The following ABCC5 variants were observed in gnomAD, a reference collection of about 807,000 sequenced individuals.
ABCC5 encodes ATP-binding cassette sub-family C member 5.
ABCC5 carries 61 observed loss-of-function variants against 160.9 expected under a neutral mutation model. The ratio of observed to expected loss-of-function variants is 0.38; its 90% confidence interval spans 0.31 to 0.47. The LOEUF (loss-of-function observed/expected upper bound fraction) is 0.47. ABCC5 is among the 20% of genes least tolerant of loss of function. ABCC5 has a pLI of 0.99. For missense variants in ABCC5, 1,308 were observed against 1,813.3 expected (o/e 0.72, Z 5.06); for synonymous variants, 666 against 700.6 (o/e 0.95, Z 0.78).
At position 183,977,625 on chromosome 3, in the gene ABCC5, CT is replaced by C. The variant is rs1387974585; in HGVS notation, c.1297-2del. On this transcript the variant is annotated splice_acceptor_variant, in intron 9 of 29. Transcript: ENST00000334444. LOFTEE classifies it high-confidence loss of function. ...TGAAGACTGTCACCACTGTGAAAGC[CT>C]GAAAATAGGAGAAGAGAAGAAACTG... 6.2e-7 allele frequency: 1 copy of C among 1,610,770 alleles called. No individual in the cohort carries two copies. The highest frequency in any genetic ancestry group is 8.5e-7 in the Non-Finnish European group (1 of 1,177,400).
At position 183,990,282 on chromosome 3, in the gene ABCC5, T is replaced by C. The variant is rs981682183; in HGVS notation, c.130-899A>G. Among the ~76,000 whole-genome samples, 11 of 152,076 alleles carry C rather than the reference T, an allele frequency of 7.2e-5. No individual in the cohort carries two copies. In the East Asian group the frequency reaches 1.2e-3, roughly 16 times the overall value. On this transcript the variant is annotated intron_variant, in intron 2 of 29. Coordinates refer to ENST00000334444, the MANE Select transcript of ABCC5 (RefSeq NM_005688.4). ...CCACCATGCCCAGCTAATTTTTGTA[T>C]TTTTAGTAGACACGGGGTTTCACCA...
At chr3:183,962,688 T>G (rs2108819980) in intron 15 of ABCC5, among the ~76,000 whole-genome samples, 1 of 152,188 alleles carries the variant, frequency 6.6e-6, no homozygotes, top group Non-Finnish European at 1.5e-5. Flanking sequence ...CGTGCCACCA[T>G]GCCTGGATAA....
In ABCC5 at chr3:183,971,548, G is replaced by A. The variant is rs201851572; in HGVS notation, c.1761+15C>T. 1.1e-5 allele frequency: 18 copies of A among 1,609,548 alleles called. No homozygotes were observed. The African/African-American group carries it at 2.3e-4, about 20-fold the overall frequency. ...GGTGGGGTGCGGGCAGGGAGGCAGG[G>A]GGCGGACCACTTACCTCTTGGATCT... is the stretch of plus-strand genomic sequence containing the variant. On this transcript the variant is annotated intron_variant, in intron 11 of 29. Transcript: ENST00000334444.
chr3:183,956,476 G>GTA (rs1715984558), intron 17 of ABCC5, among the ~76,000 whole-genome samples: 1 of 150,880 alleles, frequency 6.6e-6, no homozygotes, highest in Non-Finnish European at 1.5e-5. Flanking sequence ...GGATCCGTGT[G>GTA]TATATCACAT....
intron 23 of ABCC5, among the ~76,000 whole-genome samples, chr3:183,946,709 T>C (rs2108789534): frequency 6.6e-6 from 1 of 152,200 alleles, no homozygotes; most frequent in East Asian, 1.9e-4. Context: ...GCTTATCTCA[T>C]CCAAATATTT....
intron 27 of ABCC5, chr3:183,927,812 G>A: frequency 1.0e-6 from 1 of 985,436 alleles, no homozygotes; most frequent in South Asian, 4.7e-5. Context: ...AAAGCCGTAG[G>A]CCCGTGCCTG....
In ABCC5 at chr3:183,925,548, TC is replaced by T; in HGVS notation, c.4212+6del. 6.2e-7 allele frequency: 1 copy of T among 1,611,958 alleles called. No individual in the cohort carries two copies. Among genetic ancestry groups the T allele is most frequent in the Non-Finnish European group, 8.5e-7 (1 of 1,179,536 alleles). On this transcript the variant is annotated splice_donor_region_variant and intron_variant, in intron 29 of 29. Coordinates refer to ENST00000334444, the MANE Select transcript of ABCC5 (RefSeq NM_005688.4). The stretch of plus-strand genomic sequence containing the variant: ...TGCCAAGCCAAAGTTCCTGAAGGAC[TC>T]GGTACCTGTCCCTGGGCCAGCACCA...
At chr3:183,955,454 T>C (rs1451784743) in intron 17 of ABCC5, among the ~76,000 whole-genome samples, 1 of 152,198 alleles carries the variant, frequency 6.6e-6, no homozygotes, top group African/African-American at 2.4e-5. Context: ...ATGGTCTGAA[T>C]AGATTTTCAG....
chr3:184,008,246 T>A (rs949251491), intron 2 of ABCC5, among the ~76,000 whole-genome samples: 5 of 152,062 alleles, frequency 3.3e-5, no homozygotes, highest in African/African-American at 1.2e-4. Flanking sequence ...TTGCTAAATT[T>A]AAAAAAATGA....
At position 183,957,649 on chromosome 3, in the gene ABCC5, C is replaced by T. The variant is rs546376971; in HGVS notation, c.2482+2084G>A. ...ATGTGTAAATCACATCGGTTACATG[C>T]GGATCCGTGTGTACCTCACACCGGT... On this transcript the variant is annotated intron_variant, in intron 17 of 29. Transcript: ENST00000334444. Among the ~76,000 whole-genome samples, 10 of 151,180 alleles carry T rather than the reference C, an allele frequency of 6.6e-5. No homozygotes were observed. In the East Asian group the frequency reaches 1.8e-3, roughly 27 times the overall value.
intron 27 of ABCC5, 89 bp from the exon 28 acceptor site, chr3:183,927,532 G>C (rs1454807847): frequency 2.0e-6 from 3 of 1,509,580 alleles, no homozygotes; most frequent in Non-Finnish European, 2.7e-6. Context: ...GATTCTGAAA[G>C]CGATGAAAGA....
rs536361293 is a variant in ABCC5 at position 183,955,968 on chromosome 3, A to G, written c.2483-2698T>C. Among the ~76,000 whole-genome samples, 2 of 143,334 alleles carry G rather than the reference A, an allele frequency of 1.4e-5. 1 individual carries two copies. The highest frequency in any genetic ancestry group is 5.0e-4 in the East Asian group (2 of 4,018). The allele number at this position is 143,334 out of a possible 152,430, so 94.0% of individuals were successfully genotyped here. On this transcript the variant is annotated intron_variant, in intron 17 of 29. Coordinates refer to ENST00000334444, the MANE Select transcript of ABCC5 (RefSeq NM_005688.4). Reference sequence around the variant, plus strand: ...CGGTTACAGGCAGATCCGTGTGTATATCACATCGGTTACATGCAGCTCCAT... The same window carrying G: ...CGGTTACAGGCAGATCCGTGTGTATGTCACATCGGTTACATGCAGCTCCAT...
rs1300742514 is a variant in ABCC5, at chr3:183,963,495, C to T, written c.2125G>A (p.Asp709Asn). Residue 709 changes from aspartate to asparagine, a missense_variant, in exon 15 of 30, where the codon GAC becomes AAC. By Grantham distance (23) the Asp-to-Asn change is conservative. This residue lies in a region of ABCC5 where 1,142 missense variants were observed against 1,527.1 expected (regional missense o/e 0.75). Transcript: ENST00000334444. This position sits in a 1 kb window ranked among gnomAD's most constrained non-coding sequence, Gnocchi z 4.6. The part of the protein sequence containing the change: ...LYSDRSIYIL[D>N]DPLSALDAHV... ...GCATCTAAGGCACTGAGGGGGTCGTCCAGGATGTAGATGCTCCTGTCACTA... is the reference window on the plus strand; with the variant it reads ...GCATCTAAGGCACTGAGGGGGTCGTTCAGGATGTAGATGCTCCTGTCACTA... 1 of 1,614,236 alleles carries T rather than the reference C, an allele frequency of 6.2e-7. No homozygotes were observed. The highest frequency in any genetic ancestry group is 8.5e-7 in the Non-Finnish European group (1 of 1,180,052).
rs886605792 is a variant in ABCC5, at chr3:183,982,095, G to A, written c.1000-221C>T. On this transcript the variant is annotated intron_variant, in intron 7 of 29. Transcript: ENST00000334444. This position sits in a 1 kb window ranked among gnomAD's most constrained non-coding sequence, Gnocchi z 5.2. Reference sequence around the variant, plus strand: ...TTTATAAGGCAATGAAGACAAGAAAGTATTTATTCTCAATAGTGACCACAG... The same window carrying A: ...TTTATAAGGCAATGAAGACAAGAAAATATTTATTCTCAATAGTGACCACAG... Among the ~76,000 whole-genome samples, 3 of 152,128 alleles carry A rather than the reference G, an allele frequency of 2.0e-5. No homozygotes were observed. Among genetic ancestry groups the A allele is most frequent in the Non-Finnish European group, 4.4e-5 (3 of 68,026 alleles).
intron 27 of ABCC5, among the ~76,000 whole-genome samples, chr3:183,928,112 C>CTT (rs10715407): frequency 1.4e-5 from 2 of 138,502 alleles, no homozygotes; most frequent in African/African-American, 5.4e-5. Context: ...TGTTATGTAT[C>CTT]TTTTTTTTTT....
At chr3:183,927,824 GA>G (rs1162447803) in intron 27 of ABCC5, 3 of 985,316 alleles carry the variant, frequency 3.0e-6, no homozygotes, top group Non-Finnish European at 3.6e-6. Context: ...CCGTGCCTGT[GA>G]AACATTTTTT....
At position 183,967,742 on chromosome 3, in the gene ABCC5, T is replaced by C; in HGVS notation, c.1786A>G (p.Ser596Gly). 1 of 1,613,988 alleles carries C rather than the reference T, an allele frequency of 6.2e-7. No homozygotes were observed. The highest frequency in any genetic ancestry group is 8.5e-7 in the Non-Finnish European group (1 of 1,179,878). The change falls in exon 12 of 30, where the codon AGT (serine) becomes GGT (glycine). Residue 596 changes from serine (S) to glycine (G), a missense_variant. Physicochemically the swap from Ser to Gly is moderately conservative, Grantham distance 56. Transcript: ENST00000334444. ...QEGKLVGICGSVGSGKTSLIS... is the reference protein window; with the variant it reads ...QEGKLVGICGGVGSGKTSLIS... ...AGAGAGGTTTTTCCACTTCCCACAC[T>C]GCCACAGATTCCAACCAGTTTACCC...
chr3:183,959,120 A>AC (rs1473390574), intron 17 of ABCC5, among the ~76,000 whole-genome samples: 7 of 152,080 alleles, frequency 4.6e-5, no homozygotes, highest in Non-Finnish European at 1.0e-4. Flanking sequence ...GCAACTTAAA[A>AC]TTCAAAGGTG....
At chr3:183,967,244 A>T (rs2108828039) in intron 12 of ABCC5, 1 of 190,524 alleles carries the variant, frequency 5.2e-6, no homozygotes, top group South Asian at 1.1e-4. Flanking sequence ...TAGGCAGAAA[A>T]CAGAGGGGCT....
Sources: gnomAD v4.1 joint callset for allele counts (sites outside exome capture counted in the v4.1 genomes callset) on GRCh38, gnomAD v4.1.1 for gene constraint, gnomAD v4.1.1 regional missense constraint, Gnocchi (gnomAD v3.1) non-coding constraint, MANE v1.5 for transcripts, NCBI Gene and HGNC (gene_info 2026-07-23, HGNC 2026-07-21) for gene names.